The following PGBD5 variants were observed in gnomAD, a reference collection of about 807,000 sequenced individuals.
PGBD5 encodes piggyBac transposable element-derived protein 5.
Under a neutral mutation model 47.9 loss-of-function variants are expected in PGBD5, and 14 were observed. That is an observed-to-expected ratio of 0.29 (90% CI 0.19 to 0.46). The LOEUF (loss-of-function observed/expected upper bound fraction) is 0.46, where lower values mean the gene tolerates loss of function less well. PGBD5 is among the 20% of genes least tolerant of loss of function. PGBD5 has a pLI of 1.00. For synonymous variants in PGBD5, 316 were observed against 306.3 expected (o/e 1.03, Z -0.33); for missense variants, 635 against 716.0 (o/e 0.89, Z 1.29).
At chr1:230,374,648 T>C (rs566838874) in intron 1 of PGBD5, among the ~76,000 whole-genome samples, 17 of 152,306 alleles carry the variant, frequency 1.1e-4, no homozygotes, top group African/African-American at 3.6e-4. Flanking sequence ...CCATGAAATA[T>C]ATGGCTTTTA....
chr1:230,388,593 T>C (rs1158550272), intron 1 of PGBD5, among the ~76,000 whole-genome samples: 1 of 152,030 alleles, frequency 6.6e-6, no homozygotes, highest in African/African-American at 2.4e-5. Flanking sequence ...TTTTTTGTAT[T>C]TTTAGTGGAG....
chr1:230,362,294 T>C (rs1667757711), intron 1 of PGBD5: 6 of 1,367,632 alleles, frequency 4.4e-6, no homozygotes, highest in Non-Finnish European at 5.9e-6. Flanking sequence ...GCACTGAGTT[T>C]CCCCACGGGT....
At chr1:230,372,962 T>A (rs552793978) in intron 1 of PGBD5, among the ~76,000 whole-genome samples, 34 of 152,148 alleles carry the variant, frequency 2.2e-4, no homozygotes, top group Non-Finnish European at 5.0e-4. Flanking sequence ...TCTGCCAAGA[T>A]CTTGACGGAG....
chr1:230,376,587 T>C (rs1668018478), intron 1 of PGBD5, among the ~76,000 whole-genome samples: 2 of 152,140 alleles, frequency 1.3e-5, no homozygotes, highest in Non-Finnish European at 2.9e-5. Flanking sequence ...TCTGCAGAGC[T>C]GCCCCCAGGG....
intron 5 of PGBD5, 72 bp from the exon 6 acceptor site, chr1:230,325,487 C>T: frequency 2.8e-6 from 3 of 1,053,812 alleles, no homozygotes; most frequent in Middle Eastern, 2.1e-4. Flanking sequence ...ATGTGCCTAT[C>T]TTCGTCCAGC....
At chr1:230,339,580 C>T (rs1159597172) in intron 3 of PGBD5, among the ~76,000 whole-genome samples, 2 of 152,206 alleles carry the variant, frequency 1.3e-5, no homozygotes, top group Non-Finnish European at 2.9e-5. Flanking sequence ...CTGCATTATT[C>T]ACAATCGCCA....
intron 1 of PGBD5, among the ~76,000 whole-genome samples, chr1:230,393,671 A>T (rs12408058): frequency 0.3 from 45,050 of 151,856 alleles, 7,834 homozygotes; most frequent in South Asian, 0.42. Context: ...TAAAAATACA[A>T]AAAATTAGCC....
intron 1 of PGBD5, among the ~76,000 whole-genome samples, chr1:230,386,155 C>A (rs1004725178): frequency 2.0e-5 from 3 of 151,946 alleles, no homozygotes; most frequent in African/African-American, 7.3e-5. Flanking sequence ...AGCGAGACCC[C>A]ATCTCTACAA....
At chr1:230,364,310 G>A (rs1361771940) in intron 1 of PGBD5, among the ~76,000 whole-genome samples, 3 of 152,210 alleles carry the variant, frequency 2.0e-5, no homozygotes, top group Admixed American at 2.0e-4. Flanking sequence ...GGAGTGTGAA[G>A]GCTTCCCCTT....
intron 2 of PGBD5, among the ~76,000 whole-genome samples, chr1:230,356,489 C>T (rs1422107217): frequency 6.6e-6 from 1 of 152,198 alleles, no homozygotes; most frequent in African/African-American, 2.4e-5. Flanking sequence ...TCCAGGCTCA[C>T]TCCCTCTGCC....
chr1:230,369,918 G>C (rs1667900890), intron 1 of PGBD5, among the ~76,000 whole-genome samples: 1 of 152,216 alleles, frequency 6.6e-6, no homozygotes, highest in African/African-American at 2.4e-5. Flanking sequence ...ATAAGGAAAA[G>C]GGTAGCTAGG....
intron 1 of PGBD5, among the ~76,000 whole-genome samples, chr1:230,390,555 C>T (rs1656758870): frequency 6.6e-6 from 1 of 152,150 alleles, no homozygotes; most frequent in Non-Finnish European, 1.5e-5. Flanking sequence ...GCATCTCACC[C>T]AGAGGGTGGA....
chr1:230,414,761 T>G (rs1009914500), intron 1 of PGBD5, among the ~76,000 whole-genome samples: 4 of 152,308 alleles, frequency 2.6e-5, no homozygotes, highest in African/African-American at 9.6e-5. Flanking sequence ...TGTATTCACC[T>G]TCGATGCTGG....
intron 1 of PGBD5, among the ~76,000 whole-genome samples, chr1:230,400,316 G>A (rs144263975): frequency 1.3e-5 from 2 of 152,218 alleles, no homozygotes; most frequent in African/African-American, 4.8e-5. Flanking sequence ...ATTTAATTCT[G>A]CAACAGACGC....
chr1:230,415,882 G>A (rs1183204388), intron 1 of PGBD5, among the ~76,000 whole-genome samples: 1 of 152,068 alleles, frequency 6.6e-6, no homozygotes, highest in Admixed American at 6.5e-5. Flanking sequence ...ATTCTTCCTA[G>A]TCCCTTAATC....
In PGBD5 at chr1:230,315,425, G is replaced by GCGGT. The variant is rs1445836245; in HGVS notation, c.*7999_*8000insACCG. The stretch of plus-strand genomic sequence containing the variant: ...GATCAAGTCTGGCTGTATCCCGAGG[G>GCGGT]CGACCAGGACAGCCCTGTGAGCAGC... On this transcript the variant is annotated 3_prime_UTR_variant, in exon 7 of 7. Transcript: ENST00000391860. The GCGGT allele has an allele frequency of 7.2e-6, 1 of 139,048 alleles. No homozygotes were observed. Among genetic ancestry groups the GCGGT allele is most frequent in the African/African-American group, 3.2e-5 (1 of 30,790 alleles). 8.6% of individuals were successfully genotyped at this position (139,048 alleles called of 1,614,324 possible). A position where few individuals can be genotyped will look rare whatever the true frequency, so the allele number is the denominator to read the frequency against.
intron 2 of PGBD5, among the ~76,000 whole-genome samples, chr1:230,354,242 C>T (rs1667601704): frequency 2.0e-5 from 3 of 152,192 alleles, no homozygotes; most frequent in Non-Finnish European, 4.4e-5. Flanking sequence ...GGCTGCGTGG[C>T]ACCAGTCAGA....
intron 1 of PGBD5, among the ~76,000 whole-genome samples, chr1:230,397,920 C>A (rs1245038240): frequency 6.6e-6 from 1 of 152,228 alleles, no homozygotes; most frequent in Non-Finnish European, 1.5e-5. Context: ...GCACAGACTC[C>A]TCTTGCTCAG....
intron 1 of PGBD5, among the ~76,000 whole-genome samples, chr1:230,368,795 G>GTC (rs1475983108): frequency 5.8e-5 from 8 of 138,222 alleles, no homozygotes; most frequent in African/African-American, 2.0e-4. Context: ...GGGGAAACGT[G>GTC]TGTGTATGTG....
Sources: gnomAD v4.1 joint callset for allele counts (sites outside exome capture counted in the v4.1 genomes callset) on GRCh38, gnomAD v4.1.1 for gene constraint, MANE v1.5 for transcripts, NCBI Gene and HGNC (gene_info 2026-07-23, HGNC 2026-07-21) for gene names.